ZNF808: variants seen among roughly 807,000 people sequenced by gnomAD.
The protein encoded by ZNF808 is zinc finger protein 808.
In ZNF808, 5 loss-of-function variants were observed where a neutral mutation model predicts 8.7. That is an observed-to-expected ratio of 0.58 (90% CI 0.30 to 1.21). The LOEUF is 1.21. Among genes scored for constraint, ZNF808 ranks in the 50% most tolerant of loss-of-function variants. The pLI, the probability that ZNF808 is intolerant of heterozygous loss-of-function variation, is 0.07. For missense variants in ZNF808, 1,103 were observed against 1,098.4 expected (o/e 1.00, Z -0.06); for synonymous variants, 380 against 366.0 (o/e 1.04, Z -0.44).
chr19:52,554,438 G>A lies in ZNF808; in HGVS notation c.1522G>A (p.Glu508Lys), dbSNP rs2059812590. ...ATGCCATCGTAGACTTCATAGTGGTGAAAAACCTTACAAGTGTAATCAGTG... is the reference window on the plus strand; with the variant it reads ...ATGCCATCGTAGACTTCATAGTGGTAAAAAACCTTACAAGTGTAATCAGTG... ...LLCHRRLHSG[E>K]KPYKCNQCGN... Residue 508 changes from glutamate (E) to lysine (K), a missense_variant, in exon 5 of 5, where the codon GAA becomes AAA. Physicochemically the swap from Glu to Lys is moderately conservative, Grantham distance 56 (BLOSUM62 1). Transcript: ENST00000359798. 6.2e-7 allele frequency: 1 copy of A among 1,614,166 alleles called. No homozygotes were observed. The highest frequency in any genetic ancestry group is 8.5e-7 in the Non-Finnish European group (1 of 1,180,020).
intron 2 of ZNF808, among the ~76,000 whole-genome samples, chr19:52,535,350 AAAAAAG>A (rs1404739526): frequency 6.7e-6 from 1 of 150,144 alleles, no homozygotes; most frequent in African/African-American, 2.4e-5. Flanking sequence ...AAAAAAAAAA[AAAAAAG>A]AGAGAAAAGG....
At position 52,553,536 on chromosome 19, in the gene ZNF808, A is replaced by G. The variant is rs201365723; in HGVS notation, c.620A>G (p.Asn207Ser). Residue 207 changes from asparagine (N) to serine (S), a missense_variant, in exon 5 of 5, where the codon AAC becomes AGC. By Grantham distance (46) the Asn-to-Ser change is conservative. Transcript: ENST00000359798. Reference protein sequence around the residue: ...SCRPQIHISNNYGNNPLNSSL... With the variant: ...SCRPQIHISNSYGNNPLNSSL... ...AGGCCCCAAATCCATATTTCTAATA[A>G]CTATGGGAATAATCCCCTGAATTCT... 1,743 of 1,614,228 alleles carry G rather than the reference A, an allele frequency of 1.1e-3. 3 individuals are homozygous for G. Among genetic ancestry groups the G allele is most frequent in the Non-Finnish European group, 1.4e-3 (1,676 of 1,180,040 alleles).
downstream of ZNF808, among the ~76,000 whole-genome samples, chr19:52,566,327 G>A (rs759949387): frequency 5.9e-5 from 9 of 151,748 alleles, no homozygotes; most frequent in Non-Finnish European, 4.4e-5. Context: ...CACCATGCCC[G>A]GCTAATTCTT....
At chr19:52,543,995 C>T (rs562186528) in intron 3 of ZNF808, among the ~76,000 whole-genome samples, 11 of 152,096 alleles carry the variant, frequency 7.2e-5, no homozygotes, top group Non-Finnish European at 1.3e-4. Flanking sequence ...CCCATCTCTA[C>T]TAAAAATACA....
In ZNF808 at chr19:52,547,551, T is replaced by C. The variant is rs1418577544; in HGVS notation, c.103T>C (p.Leu35=). The C allele has an allele frequency of 3.7e-6, 6 of 1,614,042 alleles. No homozygotes were observed. Among genetic ancestry groups the C allele is most frequent in the South Asian group, 3.3e-5 (3 of 91,074 alleles). The change falls in exon 4 of 5, where the codon TTG becomes CTG. Residue 35 remains leucine (L), a synonymous_variant. Coordinates refer to ENST00000359798, the MANE Select transcript of ZNF808 (RefSeq NM_001039886.4). ...CAGGGATGTGGCTATAGAATTCTCATTGGCAGAGTGGAAATTCCTGAACCC... is the reference window on the plus strand; with the variant it reads ...CAGGGATGTGGCTATAGAATTCTCACTGGCAGAGTGGAAATTCCTGAACCC... The part of the protein sequence containing the change: ...TFRDVAIEFS[L]AEWKFLNPAQ...
chr19:52,530,395 G>A (rs2059550748), intron 1 of ZNF808, among the ~76,000 whole-genome samples: 1 of 152,130 alleles, frequency 6.6e-6, no homozygotes, highest in African/African-American at 2.4e-5. Context: ...AAGGCATGGT[G>A]GCTCACGCCT....
rs751701040 is a variant in ZNF808, at chr19:52,555,007, T to C, written c.2091T>C (p.His697=). 6.2e-7 allele frequency: 1 copy of C among 1,614,088 alleles called. No individual in the cohort carries two copies. The highest frequency in any genetic ancestry group is 1.3e-5 in the African/African-American group (1 of 75,022). Residue 697 remains histidine, a synonymous_variant, in exon 5 of 5, where the codon CAT becomes CAC. Coordinates refer to ENST00000359798, the MANE Select transcript of ZNF808 (RefSeq NM_001039886.4). ...TGTGTCGTTCCTATGTGGCAAAACA[T>C]ACTAGAATTCACAGTGGAATGAAAC... ...AFVCRSYVAK[H]TRIHSGMKPY... is the part of the protein sequence containing the mutation.
intron 1 of ZNF808, among the ~76,000 whole-genome samples, chr19:52,530,779 C>A (rs1341470897): frequency 2.0e-5 from 3 of 152,138 alleles, no homozygotes; most frequent in African/African-American, 4.8e-5. Context: ...TCGAGACCAA[C>A]CTGGCCTACA....
At chr19:52,536,389 CGTCTTCG>C (rs1045817780) in intron 2 of ZNF808, among the ~76,000 whole-genome samples, 32 of 152,294 alleles carry the variant, frequency 2.1e-4, no homozygotes, top group African/African-American at 5.8e-4. Flanking sequence ...CCAGCCTCTC[CGTCTTCG>C]GCCCCTGGAG....
chr19:52,531,654 G>A lies in ZNF808; in HGVS notation c.-121-1254G>A, dbSNP rs554984095. Among the ~76,000 whole-genome samples, 23 of 152,192 alleles carry A rather than the reference G, an allele frequency of 1.5e-4. No homozygotes were observed. In the South Asian group the frequency reaches 4.8e-3, roughly 32 times the overall value. ...TATAAACATTCAGACCAGGAAGTCT[G>A]CATCATATTTTTGATGTTTTTATTG... On this transcript the variant is annotated intron_variant, in intron 1 of 4. Coordinates refer to ENST00000359798, the MANE Select transcript of ZNF808 (RefSeq NM_001039886.4).
intron 3 of ZNF808, among the ~76,000 whole-genome samples, chr19:52,544,701 C>T (rs771243365): frequency 6.6e-6 from 1 of 152,034 alleles, no homozygotes; most frequent in Non-Finnish European, 1.5e-5. Flanking sequence ...CTTGCTTTAG[C>T]CTTGATATCC....
At chr19:52,568,657 C>G (rs1035654569), downstream of ZNF808, among the ~76,000 whole-genome samples, 2 of 152,172 alleles carry the variant, frequency 1.3e-5, no homozygotes, top group African/African-American at 4.8e-5. Context: ...GTTAATGTCT[C>G]TACTTGGGAA....
chr19:52,559,421 C>G (rs1036481852), downstream of ZNF808, among the ~76,000 whole-genome samples: 1 of 152,088 alleles, frequency 6.6e-6, no homozygotes, highest in Non-Finnish European at 1.5e-5. Context: ...ACCCTCTCTC[C>G]ACTATTACCT....
exon 4 of ZNF808, chr19:52,563,969 C>G (rs2059866044): frequency 2.8e-6 from 1 of 358,858 alleles, no homozygotes; most frequent in Non-Finnish European, 5.2e-6. Flanking sequence ...GCACTCCAGC[C>G]TGGGCAACAA....
Position 52,554,072 on chromosome 19 carries a change from C to T in ZNF808, c.1156C>T (p.Leu386=), listed in dbSNP as rs376130524. The change falls in exon 5 of 5, where the codon CTG becomes TTG. Residue 386 remains leucine (L), a synonymous_variant. Coordinates refer to ENST00000359798, the MANE Select transcript of ZNF808 (RefSeq NM_001039886.4). ...CEKAFACHSY[L]ANHTRIHSGE... is the part of the protein sequence containing the mutation. The stretch of plus-strand genomic sequence containing the variant: ...GAAGGCTTTTGCGTGTCATTCCTAT[C>T]TGGCAAACCATACTAGAATTCATAG... 3 of 1,614,114 alleles carry T rather than the reference C, an allele frequency of 1.9e-6. No individual in the cohort carries two copies. Among genetic ancestry groups the T allele is most frequent in the Non-Finnish European group, 2.5e-6 (3 of 1,180,006 alleles).
chr19:52,527,735 T>G (rs1182404435), intron 1 of ZNF808, 24 bp downstream of exon 1: 1 of 153,160 alleles, frequency 6.5e-6, no homozygotes, highest in East Asian at 1.9e-4. Context: ...TGTGTTGCAT[T>G]AAGTCTCCGC....
At chr19:52,551,697 G>C (rs1034569830) in intron 4 of ZNF808, among the ~76,000 whole-genome samples, 38 of 152,152 alleles carry the variant, frequency 2.5e-4, no homozygotes, top group African/African-American at 7.0e-4. Context: ...CTGACACACT[G>C]CACTCGTTAA....
chr19:52,538,709 A>G lies in ZNF808; in HGVS notation c.-19-4557A>G, dbSNP rs141394404. 7.1e-3 allele frequency among the ~76,000 whole-genome samples: 1,079 copies of G among 151,490 alleles called. 12 individuals are homozygous for G. Among genetic ancestry groups the G allele is most frequent in the African/African-American group, 0.023 (938 of 41,228 alleles). Reference sequence around the variant, plus strand: ...GCCCAGGGGGAAATGCAGAAAAGAAACAGATGGAGAGAGAAAGTGAGAAAG... The same window carrying G: ...GCCCAGGGGGAAATGCAGAAAAGAAGCAGATGGAGAGAGAAAGTGAGAAAG... On this transcript the variant is annotated intron_variant, in intron 2 of 4. Transcript: ENST00000359798.
downstream of ZNF808, among the ~76,000 whole-genome samples, chr19:52,566,213 T>G (rs2059872713): frequency 6.6e-6 from 1 of 152,120 alleles, no homozygotes; most frequent in African/African-American, 2.4e-5. Flanking sequence ...TTGCCCAGGC[T>G]GGAGTGCAAT....
Sources: gnomAD v4.1 joint callset for allele counts (sites outside exome capture counted in the v4.1 genomes callset) on GRCh38, gnomAD v4.1.1 for gene constraint, MANE v1.5 for transcripts, NCBI Gene and HGNC (gene_info 2026-07-23, HGNC 2026-07-21) for gene names.